Variants in GRIK3 observed in about 807,000 individuals in gnomAD.
GRIK3 encodes the protein glutamate receptor ionotropic, kainate 3.
GRIK3 carries 29 observed loss-of-function variants against 102.5 expected under a neutral mutation model. The observed-to-expected ratio is 0.28, with a 90% confidence interval of 0.21 to 0.39. The LOEUF is 0.39. Ranked by LOEUF, GRIK3 falls within the 10% of genes least tolerant of loss-of-function variation. GRIK3 has a pLI of 1.00. For synonymous variants in GRIK3, 511 were observed against 504.9 expected (o/e 1.01, Z -0.16); for missense variants, 908 against 1,252.4 (o/e 0.73, Z 4.15).
At chr1:36,914,977 T>C (rs1641383058) in intron 1 of GRIK3, among the ~76,000 whole-genome samples, 1 of 152,238 alleles carries the variant, frequency 6.6e-6, no homozygotes, top group African/African-American at 2.4e-5. Flanking sequence ...TAAGGGATTC[T>C]GACTTAATTA....
intron 1 of GRIK3, among the ~76,000 whole-genome samples, chr1:37,006,857 G>T (rs1037669308): frequency 1.3e-5 from 2 of 152,252 alleles, no homozygotes; most frequent in Non-Finnish European, 2.9e-5. Context: ...TCACAGGTGA[G>T]AAAATTGAGG....
At chr1:36,851,669 G>A (rs910263029) in intron 8 of GRIK3, among the ~76,000 whole-genome samples, 4 of 152,374 alleles carry the variant, frequency 2.6e-5, no homozygotes, top group African/African-American at 9.6e-5. Context: ...CCCAGCCTGT[G>A]GAGGCTCTGT....
At chr1:36,844,396 CGGCTGGT>C (rs1640496446) in intron 9 of GRIK3, among the ~76,000 whole-genome samples, 2 of 152,188 alleles carry the variant, frequency 1.3e-5, no homozygotes, top group South Asian at 2.1e-4. Flanking sequence ...AGGAGGACAT[CGGCTGGT>C]CCATGCACTG....
intron 1 of GRIK3, among the ~76,000 whole-genome samples, chr1:36,982,787 G>A (rs1438343469): frequency 6.6e-6 from 1 of 151,542 alleles, no homozygotes; most frequent in Admixed American, 6.6e-5. Flanking sequence ...AGCTGAGGCC[G>A]GGAGAGGGAG....
rs575256042 is a variant in GRIK3, at chr1:37,007,883, G to C, written c.115+26111C>G. 5.3e-5 allele frequency among the ~76,000 whole-genome samples: 8 copies of C among 152,318 alleles called. 1 individual carries two copies. In the South Asian group the frequency reaches 1.7e-3, roughly 32 times the overall value. On this transcript the variant is annotated intron_variant, in intron 1 of 15. Coordinates refer to ENST00000373091, the MANE Select transcript of GRIK3 (RefSeq NM_000831.4). ...AACCGAGCAGCAGCAGTGGGAGGTG[G>C]AAGTGGGGGCCCTAATGCAGGGAGC...
chr1:36,805,964 A>G, intron 14 of GRIK3, 140 bp downstream of exon 14: 1 of 528,846 alleles, frequency 1.9e-6, no homozygotes, highest in Non-Finnish European at 3.3e-6. Context: ...AAAAAAAAGA[A>G]AAGAACAGAA....
chr1:36,843,790 G>A (rs1230346146), intron 9 of GRIK3, among the ~76,000 whole-genome samples: 3 of 152,138 alleles, frequency 2.0e-5, no homozygotes, highest in Non-Finnish European at 2.9e-5. Context: ...GCACCCCAAC[G>A]TGACAGAATG....
chr1:36,817,324 G>T, intron 12 of GRIK3, 47 bp from the exon 13 acceptor site: 1 of 1,302,058 alleles, frequency 7.7e-7, no homozygotes, highest in Non-Finnish European at 1.1e-6. Flanking sequence ...ATCCAGACTA[G>T]CGCTGCTCAA....
At chr1:36,996,990 C>A (rs928596854) in intron 1 of GRIK3, among the ~76,000 whole-genome samples, 17 of 152,192 alleles carry the variant, frequency 1.1e-4, no homozygotes, top group African/African-American at 3.4e-4. Flanking sequence ...ATAGCCCCCA[C>A]AACAAAGAAT....
chr1:36,847,182 C>T (rs567333522), intron 9 of GRIK3, among the ~76,000 whole-genome samples: 83 of 152,348 alleles, frequency 5.4e-4, no homozygotes, highest in African/African-American at 1.8e-3. Context: ...GAGCTGAGAC[C>T]GTGGCCAAGG....
chr1:36,810,860 C>G (rs921014962), intron 13 of GRIK3, among the ~76,000 whole-genome samples: 2 of 152,208 alleles, frequency 1.3e-5, no homozygotes, highest in Non-Finnish European at 2.9e-5. Context: ...CTGGTAAGGA[C>G]AGTCTAGCTC....
At chr1:37,026,605 A>G (rs1339401533) in intron 1 of GRIK3, among the ~76,000 whole-genome samples, 1 of 152,240 alleles carries the variant, frequency 6.6e-6, no homozygotes, top group African/African-American at 2.4e-5. Flanking sequence ...CGCTATGCAG[A>G]CAATACTGTA....
intron 10 of GRIK3, among the ~76,000 whole-genome samples, chr1:36,836,346 T>C (rs1454963280): frequency 2.0e-5 from 3 of 152,246 alleles, no homozygotes; most frequent in Non-Finnish European, 4.4e-5. Flanking sequence ...ACCATGCCTC[T>C]GGGCAAAGCA....
chr1:36,927,884 G>A (rs543521955), intron 1 of GRIK3, among the ~76,000 whole-genome samples: 2 of 152,158 alleles, frequency 1.3e-5, no homozygotes, highest in East Asian at 3.9e-4. Flanking sequence ...CTTGCCCTGT[G>A]GTTCCTGATT....
intron 12 of GRIK3, among the ~76,000 whole-genome samples, chr1:36,818,363 G>T (rs1213608223): frequency 6.6e-6 from 1 of 152,186 alleles, no homozygotes; most frequent in African/African-American, 2.4e-5. Flanking sequence ...TAATAGCAAG[G>T]ACAGATTGAG....
chr1:37,027,151 C>T (rs1373748923), intron 1 of GRIK3, among the ~76,000 whole-genome samples: 1 of 151,918 alleles, frequency 6.6e-6, no homozygotes, highest in Non-Finnish European at 1.5e-5. Context: ...AGGAGAAGGA[C>T]CTGGGCAGCT....
At chr1:36,986,868 G>T in intron 1 of GRIK3, among the ~76,000 whole-genome samples, 1 of 152,136 alleles carries the variant, frequency 6.6e-6, no homozygotes, top group East Asian at 1.9e-4. Context: ...TAATAACTTT[G>T]GGGTCAAACT....
At chr1:36,871,347 C>T (rs755665276) in intron 4 of GRIK3, among the ~76,000 whole-genome samples, 5 of 152,174 alleles carry the variant, frequency 3.3e-5, no homozygotes, top group Non-Finnish European at 7.3e-5. Flanking sequence ...CCCTCAAGGC[C>T]TCGAGAACAC....
At chr1:36,982,739 T>A (rs965547136) in intron 1 of GRIK3, among the ~76,000 whole-genome samples, 1 of 150,048 alleles carries the variant, frequency 6.7e-6, no homozygotes, top group African/African-American at 2.5e-5. Context: ...GCGACCGGGG[T>A]CTTTAAGCAG....
Sources: gnomAD v4.1 joint callset for allele counts (sites outside exome capture counted in the v4.1 genomes callset) on GRCh38, gnomAD v4.1.1 for gene constraint, MANE v1.5 for transcripts, NCBI Gene and HGNC (gene_info 2026-07-23, HGNC 2026-07-21) for gene names.